The following PAICS variants were observed in gnomAD, a reference collection of about 807,000 sequenced individuals.
The protein encoded by PAICS is phosphoribosylaminoimidazole carboxylase and phosphoribosylaminoimidazolesuccinocarboxamide synthase.
A neutral mutation model predicts 53.7 loss-of-function variants in PAICS; 33 were observed. The observed-to-expected ratio is 0.61, with a 90% confidence interval of 0.47 to 0.82. PAICS has a LOEUF of 0.82. PAICS is among the 40% of genes least tolerant of loss of function. The pLI, the probability that PAICS is intolerant of heterozygous loss-of-function variation, is 0.00. For missense variants in PAICS, 394 were observed against 494.1 expected, an observed-to-expected ratio of 0.80 and a Z score of 1.92; for synonymous variants, 141 against 167.2, an observed-to-expected ratio of 0.84 and a Z score of 1.21.
upstream of PAICS, among the ~76,000 whole-genome samples, chr4:56,430,864 C>T (rs1163810150): frequency 6.6e-6 from 1 of 151,840 alleles, no homozygotes; most frequent in Non-Finnish European, 1.5e-5. Flanking sequence ...TACTGGAAAA[C>T]CTGGGGCTAG....
At position 56,463,097 on chromosome 4, in the gene PAICS, G is replaced by T. The variant is rs1416497854; in HGVS notation, c.*3559G>T. 1 of 152,136 alleles carries T rather than the reference G, an allele frequency of 6.6e-6. No individual in the cohort carries two copies. The highest frequency in any genetic ancestry group is 2.4e-5 in the African/African-American group (1 of 41,442). 9.4% of individuals were successfully genotyped at this position (152,136 alleles called of 1,614,324 possible). On this transcript the variant is annotated 3_prime_UTR_variant, in exon 9 of 9. Coordinates refer to ENST00000512576, the MANE Select transcript of PAICS (RefSeq NM_001079524.2). ...GAAAGGGGCAGTGTGATGTGCCACG[G>T]AGCATCCACAACCTGCCATTTCAGC...
At chr4:56,457,726 C>G (rs960689455) in intron 8 of PAICS, among the ~76,000 whole-genome samples, 2 of 147,176 alleles carry the variant, frequency 1.4e-5, no homozygotes, top group South Asian at 2.1e-4. Flanking sequence ...AATGCAATGG[C>G]GCAACCTCCG....
chr4:56,445,813 T>G (rs1283037808), intron 2 of PAICS, among the ~76,000 whole-genome samples: 1 of 152,184 alleles, frequency 6.6e-6, no homozygotes, highest in Non-Finnish European at 1.5e-5. Context: ...AAGCATTATC[T>G]CAAACCCATG....
chr4:56,439,994 C>CA (rs1718254659), intron 1 of PAICS, among the ~76,000 whole-genome samples: 1 of 152,208 alleles, frequency 6.6e-6, no homozygotes, highest in East Asian at 1.9e-4. Context: ...TTTGTTCACT[C>CA]ACCCCTTCCT....
At position 56,446,747 on chromosome 4, in the gene PAICS, G is replaced by A. The variant is rs773688517; in HGVS notation, c.267G>A (p.Pro89=). 13 of 1,604,292 alleles carry A rather than the reference G, an allele frequency of 8.1e-6. No homozygotes were observed. Among genetic ancestry groups the A allele is most frequent in the South Asian group, 1.1e-5 (1 of 89,738 alleles). The change falls in exon 3 of 9, where the codon CCG becomes CCA. Residue 89 remains proline, a synonymous_variant. Coordinates refer to ENST00000512576, the MANE Select transcript of PAICS (RefSeq NM_001079524.2). ...GTGGGGAGACAGCTTTCATTGCACC[G>A]CAGTGTGAAATGATTCCAATTGAAT... ...RKCGETAFIA[P]QCEMIPIEWV... is the part of the protein sequence containing the mutation.
At chr4:56,412,100 C>T in the PAICS span, among the ~76,000 whole-genome samples, 16 of 152,178 alleles carry the variant, frequency 1.1e-4, no homozygotes, top group African/African-American at 3.9e-4. Context: ...TGAAAGTCCC[C>T]GATTTTAACC....
At chr4:56,451,806 A>G in intron 6 of PAICS, 66 bp from the exon 7 acceptor site, 1 of 993,494 alleles carries the variant, frequency 1.0e-6, no homozygotes, top group Non-Finnish European at 1.4e-6. Flanking sequence ...ATTTTACTAC[A>G]AACTCTAGCT....
At chr4:56,431,175 A>T (rs1717565294), upstream of PAICS, among the ~76,000 whole-genome samples, 1 of 152,234 alleles carries the variant, frequency 6.6e-6, no homozygotes, top group Admixed American at 6.5e-5. Flanking sequence ...GGAGTATAAA[A>T]GTTAAACACT....
At chr4:56,438,876 T>A (rs1718188732) in intron 1 of PAICS, among the ~76,000 whole-genome samples, 1 of 152,236 alleles carries the variant, frequency 6.6e-6, no homozygotes. Flanking sequence ...TAGCCACATT[T>A]CTAGTGGCTG....
At chr4:56,410,723 T>C in the PAICS span, 14 of 986,450 alleles carry the variant, frequency 1.4e-5, no homozygotes, top group South Asian at 4.7e-4. Context: ...CAAATATGAA[T>C]ATAGAACAGT....
Position 56,461,368 on chromosome 4 carries a change from T to G in PAICS, c.*1830T>G, listed in dbSNP as rs1719508241. 1 of 152,230 alleles carries G rather than the reference T, an allele frequency of 6.6e-6. No individual in the cohort carries two copies. The highest frequency in any genetic ancestry group is 2.4e-5 in the African/African-American group (1 of 41,462). 9.4% of individuals were successfully genotyped at this position (152,230 alleles called of 1,614,324 possible). A position where few individuals can be genotyped will look rare whatever the true frequency, so the allele number is the denominator to read the frequency against. ...AAAGGACTTAGAAGATTAACTTTGG[T>G]TTCATGGTCTCTGAAGTCACTGACT... On this transcript the variant is annotated 3_prime_UTR_variant, in exon 9 of 9. Transcript: ENST00000512576.
chr4:56,419,473 T>C, the PAICS span: 6 of 162,682 alleles, frequency 3.7e-5, no homozygotes, highest in African/African-American at 1.2e-4. Context: ...GTTTCCCCAC[T>C]GTTTAAGAGA....
upstream of PAICS, chr4:56,435,268 G>A: frequency 6.3e-7 from 1 of 1,585,502 alleles, no homozygotes; most frequent in Non-Finnish European, 8.6e-7. Context: ...GGGCCCTCGG[G>A]CGCTCATGAG....
chr4:56,435,970 G>T, upstream of PAICS: 2 of 1,514,276 alleles, frequency 1.3e-6, no homozygotes, highest in African/African-American at 1.4e-5. Flanking sequence ...CCGAGAAGGG[G>T]CCGGGGTATG....
At position 56,436,285 on chromosome 4, in the gene PAICS, G is replaced by T; in HGVS notation, c.-28G>T. On this transcript the variant is annotated 5_prime_UTR_variant, in exon 1 of 9. Coordinates refer to ENST00000512576, the MANE Select transcript of PAICS (RefSeq NM_001079524.2). ...AGAGTTCTGCCTCGCTTCCCGGCGCGGTCGCAGCCCTCAGCCCACTTAGGA... is the reference window on the plus strand; with the variant it reads ...AGAGTTCTGCCTCGCTTCCCGGCGCTGTCGCAGCCCTCAGCCCACTTAGGA... The T allele has an allele frequency of 6.3e-7, 1 of 1,596,402 alleles. No individual in the cohort carries two copies. Among genetic ancestry groups the T allele is most frequent in the Non-Finnish European group, 8.5e-7 (1 of 1,172,132 alleles).
At chr4:56,435,996 T>G (rs1387860009), upstream of PAICS, 1 of 1,521,158 alleles carries the variant, frequency 6.6e-7, no homozygotes, top group Non-Finnish European at 8.9e-7. Context: ...TTCCGCAGAG[T>G]GGGGAGGGGC....
At position 56,463,090 on chromosome 4, in the gene PAICS, T is replaced by G. The variant is rs1475177877; in HGVS notation, c.*3552T>G. On this transcript the variant is annotated 3_prime_UTR_variant, in exon 9 of 9. Coordinates refer to ENST00000512576, the MANE Select transcript of PAICS (RefSeq NM_001079524.2). ...ATATGAAGAAAGGGGCAGTGTGATG[T>G]GCCACGGAGCATCCACAACCTGCCA... 3.3e-5 allele frequency: 5 copies of G among 152,110 alleles called. No homozygotes were observed. The highest frequency in any genetic ancestry group is 6.5e-5 in the Admixed American group (1 of 15,268). The allele number at this position is 152,110 out of a possible 1,614,324, so 9.4% of individuals were successfully genotyped here.
chr4:56,447,466 A>C (rs1338852409), intron 3 of PAICS, among the ~76,000 whole-genome samples: 1 of 152,094 alleles, frequency 6.6e-6, no homozygotes, highest in African/African-American at 2.4e-5. Flanking sequence ...CATTTTTTTC[A>C]CTTACCTCTT....
At chr4:56,452,206 TCTCA>T (rs1419845717) in intron 7 of PAICS, among the ~76,000 whole-genome samples, 154 bp downstream of exon 7, 1 of 151,712 alleles carries the variant, frequency 6.6e-6, no homozygotes, top group Non-Finnish European at 1.5e-5. Flanking sequence ...TGAGATGGAG[TCTCA>T]CTCTGTCGCC....
Sources: allele counts gnomAD v4.1 joint callset (sites outside exome capture counted in the v4.1 genomes callset), GRCh38; gene constraint gnomAD v4.1.1; transcripts MANE v1.5; gene names NCBI Gene and HGNC (gene_info 2026-07-23, HGNC 2026-07-21).